The following NPIPA7 variants were observed in gnomAD, a reference collection of about 807,000 sequenced individuals.
NPIPA7 encodes the protein nuclear pore complex-interacting protein family member A7.
chr16:16,386,441 C>T (rs1456158813), intron 2 of NPIPA7, among the ~76,000 whole-genome samples: 22 of 103,388 alleles, frequency 2.1e-4, no homozygotes, highest in Non-Finnish European at 3.5e-4. Context: ...GAAGTATATT[C>T]ATGTCATTTT....
intron 2 of NPIPA7, among the ~76,000 whole-genome samples, chr16:16,386,263 A>G (rs1374206402): frequency 6.1e-5 from 8 of 132,046 alleles, no homozygotes; most frequent in Non-Finnish European, 9.8e-5. Context: ...AAGATGCTCC[A>G]GTGCAGATCA....
chr16:16,386,736 C>T (rs1275490804), intron 2 of NPIPA7, among the ~76,000 whole-genome samples: 2 of 134,680 alleles, frequency 1.5e-5, no homozygotes, highest in East Asian at 2.1e-4. Context: ...GCGTGAGCTA[C>T]AGCACCTGGC....
rs374685325 is a variant in NPIPA7 at position 16,387,060 on chromosome 16, TTGTGTG to T, written c.193-308_193-303del. ...CACCCTGCCAGCCTCATGTCATTCT[TTGTGTG>T]TGTGTGTGTGTGTGTGTGTGTGTGT... On this transcript the variant is annotated intron_variant, in intron 2 of 7. Transcript: ENST00000530217. 4.4e-3 allele frequency among the ~76,000 whole-genome samples: 450 copies of T among 101,486 alleles called. 7 individuals carry two copies. Among genetic ancestry groups the T allele is most frequent in the Middle Eastern group, 0.016 (3 of 188 alleles). 66.6% of individuals were successfully genotyped at this position (101,486 alleles called of 152,430 possible).
chr16:16,386,447 A>ATT (rs1197508092), intron 2 of NPIPA7, among the ~76,000 whole-genome samples: 6 of 30,448 alleles, frequency 2.0e-4, no homozygotes, highest in Admixed American at 5.3e-4. Context: ...TATTCATGTC[A>ATT]TTTTTTTTTT....
chr16:16,388,048 TCTC>T (rs1342364585), intron 4 of NPIPA7, among the ~76,000 whole-genome samples: 1 of 16,372 alleles, frequency 6.1e-5, no homozygotes, highest in East Asian at 6.3e-3. Flanking sequence ...TTCCTTTCTC[TCTC>T]TTTTTTTTTT....
intron 2 of NPIPA7, among the ~76,000 whole-genome samples, chr16:16,386,818 C>T (rs1596856866): frequency 7.9e-6 from 1 of 125,864 alleles, no homozygotes; most frequent in East Asian, 2.3e-4. Flanking sequence ...GGCACAATCT[C>T]AGCTCACCAC....
intron 4 of NPIPA7, among the ~76,000 whole-genome samples, chr16:16,388,049 C>CT (rs1352478589): frequency 0.52 from 23,127 of 44,866 alleles, 7,494 homozygotes; most frequent in South Asian, 0.75. Flanking sequence ...TCCTTTCTCT[C>CT]TCTTTTTTTT....
intron 2 of NPIPA7, among the ~76,000 whole-genome samples, chr16:16,387,095 T>A (rs1172700730): frequency 1.0e-4 from 12 of 117,362 alleles, no homozygotes; most frequent in East Asian, 6.5e-4. Context: ...TGTGTGTGTG[T>A]GACAGAGTCT....
At chr16:16,388,351 GC>G (rs1567586022) in intron 4 of NPIPA7, among the ~76,000 whole-genome samples, 2 of 26,204 alleles carry the variant, frequency 7.6e-5, no homozygotes, top group East Asian at 2.7e-3. Flanking sequence ...CCAGCACCCA[GC>G]CTTTTTTTTT....
chr16:16,390,325 AG>A (rs1380867803), intron 4 of NPIPA7, among the ~76,000 whole-genome samples: 4 of 2,110 alleles, frequency 1.9e-3, no homozygotes, highest in Non-Finnish European at 6.7e-3. Flanking sequence ...ACTGAGAATC[AG>A]GTCTCACACA....
intron 2 of NPIPA7, among the ~76,000 whole-genome samples, chr16:16,387,073 T>C (rs2050164740): frequency 8.2e-6 from 1 of 122,506 alleles, no homozygotes; most frequent in East Asian, 2.9e-4. Flanking sequence ...TGTGTGTGTG[T>C]GTGTGTGTGT....
At chr16:16,387,026 G>A (rs1355152608) in intron 2 of NPIPA7, among the ~76,000 whole-genome samples, 1 of 124,894 alleles carries the variant, frequency 8.0e-6, no homozygotes, top group African/African-American at 2.9e-5. Context: ...TGGGATTACA[G>A]GAGTGAGCCA....
At chr16:16,386,667 C>G (rs1281337253) in intron 2 of NPIPA7, among the ~76,000 whole-genome samples, 3 of 122,892 alleles carry the variant, frequency 2.4e-5, no homozygotes, top group African/African-American at 8.8e-5. Flanking sequence ...CCAGGATGAT[C>G]TCCATCTCTT....
chr16:16,388,585 C>T (rs77144341), intron 4 of NPIPA7, among the ~76,000 whole-genome samples: 1,989 of 20,312 alleles, frequency 0.098, 107 homozygotes, highest in Non-Finnish European at 0.16. Context: ...GGCTAGAGTG[C>T]GGTGGCATGA....
chr16:16,386,284 G>A (rs1397988433), intron 2 of NPIPA7, among the ~76,000 whole-genome samples: 1 of 136,764 alleles, frequency 7.3e-6, no homozygotes, highest in Non-Finnish European at 1.6e-5. Context: ...GGAAGGAGCA[G>A]GGGGTGAAAT....
At chr16:16,386,080 A>T (rs1020813637) in intron 2 of NPIPA7, among the ~76,000 whole-genome samples, 1 of 77,930 alleles carries the variant, frequency 1.3e-5, no homozygotes, top group African/African-American at 5.4e-5. Flanking sequence ...TTTAGCTATG[A>T]TGAGAACAAA....
At chr16:16,386,990 C>G (rs1270717622) in intron 2 of NPIPA7, among the ~76,000 whole-genome samples, 1 of 145,278 alleles carries the variant, frequency 6.9e-6, no homozygotes, top group Non-Finnish European at 1.5e-5. Flanking sequence ...CTCAGGTGAT[C>G]CGCCTGCCTC....
rs952121058 is a variant in NPIPA7, at chr16:16,386,941, G to C, written c.193-458G>C. Among the ~76,000 whole-genome samples, 17 of 143,314 alleles carry C rather than the reference G, an allele frequency of 1.2e-4. No individual in the cohort carries two copies. The East Asian group carries it at 3.2e-3, about 27-fold the overall frequency. 94.0% of individuals were successfully genotyped at this position (143,314 alleles called of 152,430 possible). Reference sequence around the variant, plus strand: ...ATTTTGAATTTTTAGCAGAGACAGCGTTTCTCCATGTTGGTGAGGCTGGTC... The same window carrying C: ...ATTTTGAATTTTTAGCAGAGACAGCCTTTCTCCATGTTGGTGAGGCTGGTC... On this transcript the variant is annotated intron_variant, in intron 2 of 7. Coordinates refer to ENST00000530217, the Ensembl canonical transcript of NPIPA7.
chr16:16,388,262 A>G lies in NPIPA7; in HGVS notation c.437+456A>G, dbSNP rs377242708. Among the ~76,000 whole-genome samples, 11 of 34,982 alleles carry G rather than the reference A, an allele frequency of 3.1e-4. No homozygotes were observed. In the East Asian group the frequency reaches 4.3e-3, roughly 14 times the overall value. 22.9% of individuals were successfully genotyped at this position (34,982 alleles called of 152,430 possible). ...GGGTTTCACCATGTTGTCCAGGCTG[A>G]TCTCGAACTTCTGACCTCAGGTAAT... is the stretch of plus-strand genomic sequence containing the variant. On this transcript the variant is annotated intron_variant, in intron 4 of 7. Transcript: ENST00000530217.
Sources: gnomAD v4.1 joint callset for allele counts (sites outside exome capture counted in the v4.1 genomes callset) on GRCh38, gnomAD v4.1.1 for gene constraint, MANE v1.5 for transcripts, NCBI Gene and HGNC (gene_info 2026-07-23, HGNC 2026-07-21) for gene names.